ADGRV1: variants seen among roughly 807,000 people sequenced by gnomAD.
The protein encoded by ADGRV1 is G-protein coupled receptor 98.
ADGRV1 carries 359 observed loss-of-function variants against 596.2 expected under a neutral mutation model. The ratio of observed to expected loss-of-function variants is 0.60; its 90% CI spans 0.55 to 0.66. The LOEUF is 0.66. ADGRV1 is among the 30% of genes least tolerant of loss of function. The pLI is 0.00. For synonymous variants in ADGRV1, 2,681 were observed against 2,679.2 expected (o/e 1.00, Z -0.02); for missense variants, 7,274 against 7,575.6 (o/e 0.96, Z 1.48).
rs774593404 is a variant in ADGRV1 at position 90,853,414 on chromosome 5, G to T, written c.17335G>T (p.Asp5779Tyr). ...DYIRIPERLLDVQDAEIMAGK... is the reference protein window; with the variant it reads ...DYIRIPERLLYVQDAEIMAGK... The stretch of plus-strand genomic sequence containing the variant: ...CATTCGAATTCCAGAGAGGCTACTG[G>T]ATGTCCAGGATGCAGAAATAATGGC... The change falls in exon 80 of 90, where the codon GAT (aspartate) becomes TAT (tyrosine). Residue 5779 changes from aspartate to tyrosine, a missense_variant. Physicochemically the swap from Asp to Tyr is radical, Grantham distance 160. Coordinates refer to ENST00000405460, the MANE Select transcript of ADGRV1 (RefSeq NM_032119.4). 6 of 1,613,548 alleles carry T rather than the reference G, an allele frequency of 3.7e-6. No homozygotes were observed. Among genetic ancestry groups the T allele is most frequent in the Non-Finnish European group, 4.2e-6 (5 of 1,179,614 alleles).
chr5:90,674,338 C>T, intron 23 of ADGRV1, 104 bp downstream of exon 23: 1 of 676,946 alleles, frequency 1.5e-6, no homozygotes, highest in Non-Finnish European at 2.3e-6. Flanking sequence ...AGTAGAATGC[C>T]TTCAGACCTC....
At chr5:90,624,270 C>G (rs556849559) in intron 5 of ADGRV1, among the ~76,000 whole-genome samples, 4 of 152,186 alleles carry the variant, frequency 2.6e-5, no homozygotes, top group African/African-American at 9.6e-5. Flanking sequence ...TTTTCAGGTA[C>G]TTAGGAATAT....
chr5:91,052,615 A>G (rs1051878859), intron 85 of ADGRV1, among the ~76,000 whole-genome samples: 4 of 151,914 alleles, frequency 2.6e-5, no homozygotes, highest in African/African-American at 9.7e-5. Context: ...TTGGATTTTT[A>G]GTAGAGACAG....
At chr5:91,153,436 C>T (rs777815571) in intron 89 of ADGRV1, 38 bp downstream of exon 89, 19 of 1,409,944 alleles carry the variant, frequency 1.3e-5, no homozygotes, top group African/African-American at 2.9e-5. Flanking sequence ...GAAGTAGGCA[C>T]TCTTGCTATG....
At position 90,643,844 on chromosome 5, in the gene ADGRV1, A is replaced by G. The variant is rs1183751984; in HGVS notation, c.2595A>G (p.Glu865=). 6.2e-7 allele frequency: 1 copy of G among 1,610,962 alleles called. No individual in the cohort carries two copies. Among genetic ancestry groups the G allele is most frequent in the African/African-American group, 1.3e-5 (1 of 75,006 alleles). The part of the protein sequence containing the change: ...HYWVVLSSHG[E]RESKLGSATI... ...GGGTGGTCCTCAGCAGCCACGGAGA[A>G]CGGGAAAGCAAGTTGGGAAGTGCCA... The change falls in exon 14 of 90, where the codon GAA becomes GAG. Residue 865 remains glutamate (E), a synonymous_variant. Coordinates refer to ENST00000405460, the MANE Select transcript of ADGRV1 (RefSeq NM_032119.4).
intron 83 of ADGRV1, among the ~76,000 whole-genome samples, chr5:90,890,795 A>G (rs1385602021): frequency 6.6e-6 from 1 of 152,122 alleles, no homozygotes. Context: ...TATTTCTATC[A>G]GTGCCATGTA....
chr5:90,840,728 T>G lies in ADGRV1; in HGVS notation c.16762T>G (p.Leu5588Val). 6.2e-7 allele frequency: 1 copy of G among 1,614,014 alleles called. No homozygotes were observed. Among genetic ancestry groups the G allele is most frequent in the Non-Finnish European group, 8.5e-7 (1 of 1,179,886 alleles). ...CATCCTAACGCCAGAGACAGGATCT[T>G]TAAATTCATTTCCTAAACGCTTCCA... ...DVILTPETGS[L>V]NSFPKRFQIV... Residue 5588 changes from leucine (L) to valine (V), a missense_variant, in exon 78 of 90, where the codon TTA (leucine) becomes GTA (valine). By Grantham distance (32) the Leu-to-Val change is conservative. This residue lies in a region of ADGRV1 where 1,874 missense variants were observed against 1,970.2 expected (regional missense o/e 0.95). Transcript: ENST00000405460.
chr5:91,158,759 G>A (rs1471448381), intron 89 of ADGRV1, among the ~76,000 whole-genome samples: 1 of 152,098 alleles, frequency 6.6e-6, no homozygotes, highest in Non-Finnish European at 1.5e-5. Context: ...TTTATGTTCT[G>A]AAAAACCAGG....
chr5:90,909,042 G>C (rs1178515199), intron 83 of ADGRV1, among the ~76,000 whole-genome samples: 1 of 152,178 alleles, frequency 6.6e-6, no homozygotes, highest in Non-Finnish European at 1.5e-5. Context: ...AAGAGAGTAA[G>C]AAATCTTTCC....
At position 90,753,922 on chromosome 5, in the gene ADGRV1, T is replaced by C; in HGVS notation, c.11377+93T>C. On this transcript the variant is annotated intron_variant, in intron 54 of 89. Coordinates refer to ENST00000405460, the MANE Select transcript of ADGRV1 (RefSeq NM_032119.4). ...TATAAGGAATGTAAATTTCTCTTTTTATATGACTTTTTCAGTTTGGCAGGT... is the reference window on the plus strand; with the variant it reads ...TATAAGGAATGTAAATTTCTCTTTTCATATGACTTTTTCAGTTTGGCAGGT... The C allele has an allele frequency of 3.1e-6, 4 of 1,283,472 alleles. No individual in the cohort carries two copies. In the East Asian group the frequency reaches 7.7e-5, roughly 25 times the overall value. The allele number at this position is 1,283,472 out of a possible 1,614,324, so 79.5% of individuals were successfully genotyped here.
chr5:90,725,344 T>A, intron 47 of ADGRV1, 112 bp downstream of exon 47: 1 of 781,288 alleles, frequency 1.3e-6, no homozygotes, highest in South Asian at 2.3e-5. Context: ...GAAAAAGGAC[T>A]TTTTGTGAGT....
chr5:90,890,890 T>C (rs543951198), intron 83 of ADGRV1, among the ~76,000 whole-genome samples: 46 of 152,240 alleles, frequency 3.0e-4, no homozygotes, highest in African/African-American at 1.0e-3. Context: ...TAATTAGCAT[T>C]CCCTGATAAA....
At chr5:90,724,166 C>G (rs1279843864) in intron 45 of ADGRV1, among the ~76,000 whole-genome samples, 1 of 152,012 alleles carries the variant, frequency 6.6e-6, no homozygotes, top group Non-Finnish European at 1.5e-5. Flanking sequence ...ATATTTTCAT[C>G]AGCTTTACAG....
chr5:91,060,392 A>AT (rs1243532720), intron 85 of ADGRV1, among the ~76,000 whole-genome samples: 3 of 19,882 alleles, frequency 1.5e-4, no homozygotes, highest in African/African-American at 2.9e-4. Context: ...ATATATATAT[A>AT]TATATATTTT....
chr5:90,921,209 G>T (rs1349057252), intron 83 of ADGRV1, among the ~76,000 whole-genome samples: 1 of 152,080 alleles, frequency 6.6e-6, no homozygotes, highest in African/African-American at 2.4e-5. Flanking sequence ...TCATATTTTG[G>T]TATATTTTAA....
chr5:90,892,350 G>C (rs1218675671), intron 83 of ADGRV1, among the ~76,000 whole-genome samples: 1 of 152,030 alleles, frequency 6.6e-6, no homozygotes, highest in Non-Finnish European at 1.5e-5. Flanking sequence ...TATGAAGATA[G>C]AATAATATGT....
intron 87 of ADGRV1, among the ~76,000 whole-genome samples, chr5:91,118,395 T>A (rs1323414908): frequency 6.6e-6 from 1 of 151,962 alleles, no homozygotes; most frequent in Non-Finnish European, 1.5e-5. Context: ...TCCAAAAAAA[T>A]TATTTTTTGT....
At chr5:90,625,334 C>T in intron 6 of ADGRV1, 91 bp downstream of exon 6, 1 of 712,776 alleles carries the variant, frequency 1.4e-6, no homozygotes, top group East Asian at 2.7e-5. Context: ...GCCAGTCGCA[C>T]CTCAGCTATA....
intron 59 of ADGRV1, among the ~76,000 whole-genome samples, chr5:90,772,112 C>T (rs1757757796): frequency 6.6e-6 from 1 of 152,124 alleles, no homozygotes; most frequent in South Asian, 2.1e-4. Flanking sequence ...GCAATATAAA[C>T]ATATAAAATA....
Sources: allele counts gnomAD v4.1 joint callset (sites outside exome capture counted in the v4.1 genomes callset), GRCh38; gene constraint gnomAD v4.1.1; regional missense constraint gnomAD v4.1.1; transcripts MANE v1.5; gene names NCBI Gene and HGNC (gene_info 2026-07-23, HGNC 2026-07-21).